The following CACNA1D variants were observed in gnomAD, a reference collection of about 807,000 sequenced individuals.
The protein encoded by CACNA1D is voltage-dependent L-type calcium channel subunit alpha-1D.
A neutral mutation model predicts 257.1 loss-of-function variants in CACNA1D; 55 were observed. The observed-to-expected ratio is 0.21, with a 90% confidence interval of 0.17 to 0.27. The LOEUF is 0.27. Among genes scored for constraint, CACNA1D ranks in the 10% least tolerant of loss-of-function variants. CACNA1D has a pLI of 1.00. For synonymous variants in CACNA1D, 980 were observed against 1,014.9 expected (o/e 0.97, Z 0.65); for missense variants, 1,876 against 2,784.0 (o/e 0.67, Z 7.34).
intron 26 of CACNA1D, among the ~76,000 whole-genome samples, chr3:53,748,331 C>G (rs545564079): frequency 1.3e-5 from 2 of 152,124 alleles, no homozygotes; most frequent in African/African-American, 4.8e-5. Context: ...GGCTGGGGCT[C>G]GCAGGCCAGC....
chr3:53,758,679 A>G (rs552777900), intron 29 of CACNA1D, among the ~76,000 whole-genome samples: 2 of 152,378 alleles, frequency 1.3e-5, no homozygotes, highest in East Asian at 3.9e-4. Flanking sequence ...TACATATTGC[A>G]TGTGGCTGAC....
chr3:53,758,611 C>T (rs1393220928), intron 29 of CACNA1D, among the ~76,000 whole-genome samples: 1 of 152,212 alleles, frequency 6.6e-6, no homozygotes, highest in Non-Finnish European at 1.5e-5. Flanking sequence ...GACCCTGAGG[C>T]CCACATTAGT....
intron 4 of CACNA1D, among the ~76,000 whole-genome samples, chr3:53,651,369 T>TTTTG (rs2094093164): frequency 8.2e-6 from 1 of 121,874 alleles, no homozygotes; most frequent in Non-Finnish European, 1.6e-5. Context: ...TAATTTTCTT[T>TTTTG]TTTTTTTTTT....
chr3:53,732,572 G>A (rs115024655), intron 18 of CACNA1D, among the ~76,000 whole-genome samples: 3 of 152,076 alleles, frequency 2.0e-5, no homozygotes, highest in Admixed American at 6.6e-5. Flanking sequence ...CAGATCTTAC[G>A]CTGGTGGGAA....
intron 3 of CACNA1D, among the ~76,000 whole-genome samples, chr3:53,556,651 G>A (rs1450601513): frequency 6.6e-6 from 1 of 151,234 alleles, no homozygotes; most frequent in Non-Finnish European, 1.5e-5. Flanking sequence ...TATCAGATAT[G>A]TGATTTGCAA....
chr3:53,798,336 TGC>T (rs751705265), intron 40 of CACNA1D, among the ~76,000 whole-genome samples: 3,446 of 147,666 alleles, frequency 0.023, 226 homozygotes, highest in East Asian at 0.19. Context: ...TGCGTGTGTG[TGC>T]GTGTGTGTGT....
intron 8 of CACNA1D, among the ~76,000 whole-genome samples, chr3:53,678,822 C>G (rs182187347): frequency 6.6e-6 from 1 of 152,090 alleles, no homozygotes; most frequent in South Asian, 2.1e-4. Flanking sequence ...TAGTAATAGC[C>G]AGACAATCTC....
At chr3:53,798,819 G>A (rs34457539) in intron 40 of CACNA1D, among the ~76,000 whole-genome samples, 2 of 152,180 alleles carry the variant, frequency 1.3e-5, no homozygotes, top group Non-Finnish European at 2.9e-5. Context: ...GTGGGACCCA[G>A]CCCTGATGGA....
chr3:53,648,839 C>A (rs2094053622), intron 3 of CACNA1D, among the ~76,000 whole-genome samples: 1 of 151,648 alleles, frequency 6.6e-6, no homozygotes, highest in South Asian at 2.1e-4. Context: ...AACACACACA[C>A]ACACACACAC....
intron 10 of CACNA1D, among the ~76,000 whole-genome samples, chr3:53,719,469 T>A (rs1345430218): frequency 6.6e-6 from 1 of 152,186 alleles, no homozygotes; most frequent in African/African-American, 2.4e-5. Context: ...GGAGAGACTC[T>A]GCTGCCTTCA....
chr3:53,702,080 G>A (rs1369370069), intron 8 of CACNA1D, among the ~76,000 whole-genome samples: 4 of 152,212 alleles, frequency 2.6e-5, no homozygotes, highest in South Asian at 2.1e-4. Flanking sequence ...GCTCTGGCCC[G>A]AACCTGCAGG....
At chr3:53,708,230 AT>A (rs1259420433) in intron 9 of CACNA1D, among the ~76,000 whole-genome samples, 6 of 152,378 alleles carry the variant, frequency 3.9e-5, no homozygotes, top group Admixed American at 2.6e-4. Flanking sequence ...GTGTTTTGAA[AT>A]TTTGATTTAC....
intron 3 of CACNA1D, among the ~76,000 whole-genome samples, chr3:53,526,335 C>G (rs899788833): frequency 6.6e-6 from 1 of 152,112 alleles, no homozygotes; most frequent in Non-Finnish European, 1.5e-5. Context: ...CTGGCCTGAC[C>G]CATTGTCAGG....
At position 53,782,264 on chromosome 3, in the gene CACNA1D, G is replaced by GTGTATATATATA. The variant is rs6147823; in HGVS notation, c.4792+598_4792+599insGTATATATATAT. The GTGTATATATATA allele has an allele frequency of 8.2e-3, 617 of 75,418 alleles. 9 individuals are homozygous for GTGTATATATATA. Among genetic ancestry groups the GTGTATATATATA allele is most frequent in the Admixed American group, 0.022 (120 of 5,390 alleles). 4.7% of individuals were successfully genotyped at this position (75,418 alleles called of 1,614,324 possible). A position where few individuals can be genotyped will look rare whatever the true frequency, so the allele number is the denominator to read the frequency against. On this transcript the variant is annotated intron_variant, in intron 39 of 47. Transcript: ENST00000350061. ...AGTGTGTGTGTGTGTGTGTGTGTGT[G>GTGTATATATATA]TATATATATATATATATATATATAT...
chr3:53,811,590 G>A lies in CACNA1D; in HGVS notation c.*184G>A. The A allele has an allele frequency of 1.8e-6, 1 of 562,642 alleles. No individual in the cohort carries two copies. Among genetic ancestry groups the A allele is most frequent in the East Asian group, 3.0e-5 (1 of 33,270 alleles). 34.9% of individuals were successfully genotyped at this position (562,642 alleles called of 1,614,324 possible). A position where few individuals can be genotyped will look rare whatever the true frequency, so the allele number is the denominator to read the frequency against. On this transcript the variant is annotated 3_prime_UTR_variant, in exon 48 of 48. Transcript: ENST00000350061. The surrounding 1 kb of genome is among the most constrained non-coding windows in gnomAD (Gnocchi z 4.2). Reference sequence around the variant, plus strand: ...ACCTGGTAGGAACAGGTCCCAAGCGGTTGAGCCTGGCAGAGTACCATGCGC... The same window carrying A: ...ACCTGGTAGGAACAGGTCCCAAGCGATTGAGCCTGGCAGAGTACCATGCGC...
intron 3 of CACNA1D, among the ~76,000 whole-genome samples, chr3:53,606,441 C>T (rs1460861974): frequency 6.6e-6 from 1 of 152,240 alleles, no homozygotes; most frequent in Non-Finnish European, 1.5e-5. Context: ...CTACGTTTAA[C>T]TACATGATTG....
At chr3:53,786,387 G>A (rs753577492) in intron 39 of CACNA1D, 6 of 184,088 alleles carry the variant, frequency 3.3e-5, no homozygotes, top group Non-Finnish European at 6.9e-5. Flanking sequence ...TTGAGACATC[G>A]GGATTTGGAC....
intron 3 of CACNA1D, among the ~76,000 whole-genome samples, chr3:53,510,250 G>A (rs771975436): frequency 1.3e-5 from 2 of 152,170 alleles, no homozygotes; most frequent in African/African-American, 4.8e-5. Flanking sequence ...GTGTGTGTAC[G>A]TATGTATATA....
chr3:53,805,953 C>T (rs148146627), intron 45 of CACNA1D, among the ~76,000 whole-genome samples: 1,746 of 130,926 alleles, frequency 0.013, 22 homozygotes, highest in Non-Finnish European at 0.021. Context: ...CCCTCATCTT[C>T]CCTCCTCCTC....
Sources: allele counts gnomAD v4.1 joint callset (sites outside exome capture counted in the v4.1 genomes callset), GRCh38; gene constraint gnomAD v4.1.1; non-coding constraint Gnocchi (gnomAD v3.1); transcripts MANE v1.5; gene names NCBI Gene and HGNC (gene_info 2026-07-23, HGNC 2026-07-21).